Variants in VPS13B observed in about 807,000 individuals in gnomAD.
VPS13B encodes the protein intermembrane lipid transfer protein VPS13B.
In VPS13B, 285 loss-of-function variants were observed where a neutral mutation model predicts 426.4. That is an observed-to-expected ratio of 0.67 (90% CI 0.61 to 0.74). VPS13B has a LOEUF of 0.74. Ranked by LOEUF, VPS13B falls within the 30% of genes least tolerant of loss-of-function variation. The probability of loss-of-function intolerance (pLI) is 0.00; values close to 1 mark genes in which losing one functional copy is unlikely to be tolerated. For missense variants in VPS13B, 4,537 were observed against 4,782.6 expected (o/e 0.95, Z 1.51); for synonymous variants, 1,676 against 1,676.4 (o/e 1.00, Z 0.01).
Position 99,696,735 on chromosome 8 carries a change from G to A in VPS13B, c.6047-2790G>A, listed in dbSNP as rs545112233. On this transcript the variant is annotated intron_variant, in intron 35 of 61. Transcript: ENST00000357162. The stretch of plus-strand genomic sequence containing the variant: ...ACTTCTCCGTTTTCCCAGAAGATCC[G>A]GGGGATGGGGGAGAGACCCAGCAAT... The A allele has an allele frequency of 1.7e-4, 175 of 1,041,690 alleles. 1 individual carries two copies. In the African/African-American group the frequency reaches 2.1e-3, roughly 13 times the overall value. 64.5% of individuals were successfully genotyped at this position (1,041,690 alleles called of 1,614,324 possible). A position where few individuals can be genotyped will look rare whatever the true frequency, so the allele number is the denominator to read the frequency against.
intron 6 of VPS13B, among the ~76,000 whole-genome samples, chr8:99,111,569 T>C (rs1847370332): frequency 6.6e-6 from 1 of 152,068 alleles, no homozygotes; most frequent in Non-Finnish European, 1.5e-5. Context: ...GGAAATAATA[T>C]TAAAAGGTAT....
chr8:99,362,939 G>A (rs781146719), intron 19 of VPS13B, among the ~76,000 whole-genome samples: 6 of 152,124 alleles, frequency 3.9e-5, no homozygotes, highest in South Asian at 2.1e-4. Flanking sequence ...TGAGTAGTTT[G>A]CAAACATTTT....
chr8:99,804,887 A>G (rs1025579543), intron 43 of VPS13B, among the ~76,000 whole-genome samples: 1 of 152,004 alleles, frequency 6.6e-6, no homozygotes, highest in Non-Finnish European at 1.5e-5. Context: ...AGTCCTAGCT[A>G]CTCGGGAGGC....
At chr8:99,701,302 G>A (rs180720062) in intron 36 of VPS13B, among the ~76,000 whole-genome samples, 1 of 152,184 alleles carries the variant, frequency 6.6e-6, no homozygotes, top group Non-Finnish European at 1.5e-5. Context: ...CACTAGGTCT[G>A]TTCCCATGCC....
intron 17 of VPS13B, among the ~76,000 whole-genome samples, chr8:99,273,539 C>G (rs1818718326): frequency 6.6e-6 from 1 of 152,024 alleles, no homozygotes; most frequent in Non-Finnish European, 1.5e-5. Flanking sequence ...AATCCTAGCA[C>G]TTTGGAAGGC....
chr8:99,111,770 A>T (rs1847382640), intron 6 of VPS13B, among the ~76,000 whole-genome samples: 1 of 152,114 alleles, frequency 6.6e-6, no homozygotes, highest in Admixed American at 6.6e-5. Context: ...ATGTAATTAA[A>T]ATCTTAGGGA....
rs562811434 is a variant in VPS13B at position 99,586,953 on chromosome 8, T to A, written c.5220+9320T>A. ...TTAACTCGTCATTTACGTTAGGTATTACTCCTAATGCTATCCCTCCCCCAT... is the reference window on the plus strand; with the variant it reads ...TTAACTCGTCATTTACGTTAGGTATAACTCCTAATGCTATCCCTCCCCCAT... On this transcript the variant is annotated intron_variant, in intron 33 of 61. Coordinates refer to ENST00000357162, the MANE Select transcript of VPS13B (RefSeq NM_152564.5). Among the ~76,000 whole-genome samples, 6 of 152,170 alleles carry A rather than the reference T, an allele frequency of 3.9e-5. No homozygotes were observed. The South Asian group carries it at 1.2e-3, about 32-fold the overall frequency.
chr8:99,484,948 T>A (rs1374411291), intron 25 of VPS13B, among the ~76,000 whole-genome samples: 1 of 152,076 alleles, frequency 6.6e-6, no homozygotes, highest in Non-Finnish European at 1.5e-5. Context: ...AATTTTTGCA[T>A]TAGGCCTTGA....
At chr8:99,601,356 T>G (rs1233933185) in intron 33 of VPS13B, among the ~76,000 whole-genome samples, 2 of 152,252 alleles carry the variant, frequency 1.3e-5, no homozygotes, top group Non-Finnish European at 2.9e-5. Flanking sequence ...TGCATAGTAT[T>G]CCATGGTGTA....
chr8:99,533,430 G>T (rs934576743), intron 30 of VPS13B, among the ~76,000 whole-genome samples: 3 of 151,998 alleles, frequency 2.0e-5, no homozygotes, highest in Non-Finnish European at 4.4e-5. Context: ...CATTTCTCTT[G>T]TTATGTATAT....
chr8:99,801,675 G>GT (rs1209154938), intron 43 of VPS13B, among the ~76,000 whole-genome samples: 5 of 152,044 alleles, frequency 3.3e-5, no homozygotes, highest in Non-Finnish European at 1.5e-5. Flanking sequence ...GAAGCCCTAT[G>GT]TTTTTCTTAC....
At chr8:99,064,809 G>T (rs545657782) in intron 3 of VPS13B, among the ~76,000 whole-genome samples, 34 of 152,290 alleles carry the variant, frequency 2.2e-4, no homozygotes, top group Middle Eastern at 6.8e-3. Flanking sequence ...ATAATTGTCA[G>T]ATTCACCAAG....
chr8:99,859,511 T>C (rs1420144268), intron 57 of VPS13B, 31 bp downstream of exon 57: 1 of 1,605,288 alleles, frequency 6.2e-7, no homozygotes, highest in Admixed American at 1.7e-5. Flanking sequence ...TAATAATGCC[T>C]TCACTCCTTC....
intron 3 of VPS13B, among the ~76,000 whole-genome samples, chr8:99,077,797 A>G (rs952890713): frequency 5.3e-5 from 8 of 151,968 alleles, no homozygotes; most frequent in Admixed American, 4.6e-4. Context: ...GTTTTTAGCT[A>G]TTATTTCATT....
intron 25 of VPS13B, among the ~76,000 whole-genome samples, chr8:99,488,044 C>T (rs529191949): frequency 6.6e-6 from 1 of 152,208 alleles, no homozygotes; most frequent in East Asian, 1.9e-4. Context: ...AATTTTTTAA[C>T]TGTTGAATAT....
At chr8:99,433,054 A>G (rs551718248) in intron 22 of VPS13B, among the ~76,000 whole-genome samples, 100 of 152,346 alleles carry the variant, frequency 6.6e-4, no homozygotes, top group Non-Finnish European at 1.2e-3. Context: ...ATACGTGTCA[A>G]TTAAGCTAAC....
intron 34 of VPS13B, among the ~76,000 whole-genome samples, chr8:99,656,506 A>G (rs1294997386): frequency 1.3e-5 from 2 of 152,152 alleles, no homozygotes; most frequent in African/African-American, 2.4e-5. Flanking sequence ...ATCTTAGTTT[A>G]TCTGGTACAT....
At chr8:99,688,969 C>G (rs1156993143) in intron 35 of VPS13B, among the ~76,000 whole-genome samples, 1 of 151,986 alleles carries the variant, frequency 6.6e-6, no homozygotes, top group African/African-American at 2.4e-5. Context: ...GATCAGAGAG[C>G]AGAGAATAAC....
intron 19 of VPS13B, among the ~76,000 whole-genome samples, chr8:99,293,237 G>A (rs997100398): frequency 1.5e-5 from 2 of 131,254 alleles, no homozygotes; most frequent in Non-Finnish European, 3.2e-5. Context: ...AAATAATGCC[G>A]CATACCTACA....
Sources: allele counts gnomAD v4.1 joint callset (sites outside exome capture counted in the v4.1 genomes callset), GRCh38; gene constraint gnomAD v4.1.1; transcripts MANE v1.5; gene names NCBI Gene and HGNC (gene_info 2026-07-23, HGNC 2026-07-21).